The following FAM168B variants were observed in gnomAD, a reference collection of about 807,000 sequenced individuals.
FAM168B encodes family with sequence similarity 168 member B, also known as myelin-associated neurite-outgrowth inhibitor.
FAM168B carries 19 observed loss-of-function variants against 21.8 expected under a neutral mutation model. The ratio of observed to expected loss-of-function variants is 0.87; its 90% CI spans 0.61 to 1.28. FAM168B has a LOEUF of 1.28. FAM168B is among the 50% of genes most tolerant of loss of function. FAM168B has a pLI of 0.00. For synonymous variants in FAM168B, 126 were observed against 104.8 expected, an observed-to-expected ratio of 1.20 and a Z score of -1.24; for missense variants, 233 against 263.1, an observed-to-expected ratio of 0.89 and a Z score of 0.79.
At position 131,053,079 on chromosome 2, in the gene FAM168B, C is replaced by T. The variant is rs574826329; in HGVS notation, c.476-64G>A. ...CTGCACAGCTCCACACTGCCTGATACGCACACAAGCCTGGCCTCTTTGCAA... is the reference window on the plus strand; with the variant it reads ...CTGCACAGCTCCACACTGCCTGATATGCACACAAGCCTGGCCTCTTTGCAA... On this transcript the variant is annotated intron_variant, in intron 5 of 6. Coordinates refer to ENST00000389915, the MANE Select transcript of FAM168B (RefSeq NM_001009993.4). 80 of 1,481,964 alleles carry T rather than the reference C, an allele frequency of 5.4e-5. 1 individual carries two copies. The highest frequency in any genetic ancestry group is 4.6e-4 in the South Asian group (35 of 76,772). The allele number at this position is 1,481,964 out of a possible 1,614,324, so 91.8% of individuals were successfully genotyped here.
intron 3 of FAM168B, among the ~76,000 whole-genome samples, chr2:131,057,730 G>C (rs1191718642): frequency 6.6e-6 from 1 of 152,174 alleles, no homozygotes; most frequent in Non-Finnish European, 1.5e-5. Context: ...GGGCGACAAA[G>C]TAAGACGCTG....
intron 1 of FAM168B, among the ~76,000 whole-genome samples, chr2:131,090,544 T>C (rs1458598811): frequency 6.6e-6 from 1 of 151,990 alleles, no homozygotes; most frequent in Non-Finnish European, 1.5e-5. Context: ...AAAATCAACA[T>C]TGGAAATTCT....
chr2:131,055,469 A>G lies in FAM168B; in HGVS notation c.298-20T>C, dbSNP rs1362251292. Reference sequence around the variant, plus strand: ...GCCTTGCTGTGGGGAGAAGAGAGACAACTGACACAGGGTCCCAGGGCCAAA... The same window carrying G: ...GCCTTGCTGTGGGGAGAAGAGAGACGACTGACACAGGGTCCCAGGGCCAAA... On this transcript the variant is annotated intron_variant, in intron 4 of 6. Transcript: ENST00000389915. The G allele has an allele frequency of 1.2e-6, 2 of 1,604,942 alleles. No individual in the cohort carries two copies. Among genetic ancestry groups the G allele is most frequent in the South Asian group, 2.2e-5 (2 of 89,940 alleles).
chr2:131,060,472 C>T (rs1161496600), intron 3 of FAM168B, among the ~76,000 whole-genome samples: 1 of 152,168 alleles, frequency 6.6e-6, no homozygotes, highest in Non-Finnish European at 1.5e-5. Flanking sequence ...AAGACTGCTA[C>T]AGATTGAAAG....
rs1691695889 is a variant in FAM168B, at chr2:131,051,841, T to C, written c.*624A>G. ...TGAACCAGCTGCACCCAAGCAGCTG[T>C]GGCTTCCCTACTCTCTCCCAAACCT... On this transcript the variant is annotated 3_prime_UTR_variant, in exon 7 of 7. Coordinates refer to ENST00000389915, the MANE Select transcript of FAM168B (RefSeq NM_001009993.4). 1 of 985,318 alleles carries C rather than the reference T, an allele frequency of 1.0e-6. No homozygotes were observed. The highest frequency in any genetic ancestry group is 4.7e-5 in the South Asian group (1 of 21,292). 61.0% of individuals were successfully genotyped at this position (985,318 alleles called of 1,614,324 possible).
chr2:131,064,277 A>G (rs1470086256), intron 3 of FAM168B, among the ~76,000 whole-genome samples: 1 of 151,884 alleles, frequency 6.6e-6, no homozygotes, highest in Non-Finnish European at 1.5e-5. Flanking sequence ...GGATTTTTTT[A>G]TAATAATTTT....
chr2:131,070,730 A>C (rs1035298631), intron 3 of FAM168B, among the ~76,000 whole-genome samples: 2 of 152,266 alleles, frequency 1.3e-5, no homozygotes, highest in Non-Finnish European at 2.9e-5. Flanking sequence ...AACAATAAAA[A>C]GGAATGAACT....
rs1691700749 is a variant in FAM168B at position 131,051,899 on chromosome 2, G to A, written c.*566C>T. The A allele has an allele frequency of 1.0e-6, 1 of 985,448 alleles. No homozygotes were observed. 61.0% of individuals were successfully genotyped at this position (985,448 alleles called of 1,614,324 possible). A position where few individuals can be genotyped will look rare whatever the true frequency, so the allele number is the denominator to read the frequency against. On this transcript the variant is annotated 3_prime_UTR_variant, in exon 7 of 7. Transcript: ENST00000389915. ...CCCTCCCAGGACAGTCAGTGCCAAA[G>A]AAACAGGTCGCTGAAAACTAAAATG...
chr2:131,065,807 GA>G lies in FAM168B; in HGVS notation c.154+6047del, dbSNP rs796177546. 6.3e-3 allele frequency among the ~76,000 whole-genome samples: 595 copies of G among 94,762 alleles called. 3 individuals carry two copies. The highest frequency in any genetic ancestry group is 8.5e-3 in the Non-Finnish European group (370 of 43,306). 62.2% of individuals were successfully genotyped at this position (94,762 alleles called of 152,430 possible). ...CCAGCTCAAAAAAAAAAGAAAAAAAGAAAAAAAAAAAAAAGAAAAGAAAGCT... is the reference window on the plus strand; with the variant it reads ...CCAGCTCAAAAAAAAAAGAAAAAAAGAAAAAAAAAAAAAGAAAAGAAAGCT... On this transcript the variant is annotated intron_variant, in intron 3 of 6. Transcript: ENST00000389915.
At chr2:131,057,523 TG>T (rs1318223074) in intron 3 of FAM168B, among the ~76,000 whole-genome samples, 1 of 152,174 alleles carries the variant, frequency 6.6e-6, no homozygotes, top group Non-Finnish European at 1.5e-5. Context: ...AAGTATTCCA[TG>T]TTTTATTTGG....
chr2:131,068,684 G>T (rs1488276201), intron 3 of FAM168B, among the ~76,000 whole-genome samples: 1 of 152,152 alleles, frequency 6.6e-6, no homozygotes, highest in Admixed American at 6.6e-5. Flanking sequence ...GGACAACACA[G>T]GCCTTACCTC....
chr2:131,092,391 C>G (rs1204754805), intron 1 of FAM168B, among the ~76,000 whole-genome samples: 1 of 152,146 alleles, frequency 6.6e-6, no homozygotes, highest in East Asian at 1.9e-4. Flanking sequence ...AAAAATGTGT[C>G]CTGTTTTTGC....
At chr2:131,077,824 A>G (rs1270238741) in intron 2 of FAM168B, among the ~76,000 whole-genome samples, 1 of 152,212 alleles carries the variant, frequency 6.6e-6, no homozygotes, top group Non-Finnish European at 1.5e-5. Flanking sequence ...AGCAGACAGC[A>G]AAAACCAAAA....
intron 3 of FAM168B, among the ~76,000 whole-genome samples, chr2:131,066,204 C>T (rs1205998638): frequency 9.6e-5 from 14 of 145,194 alleles, no homozygotes; most frequent in Admixed American, 8.5e-4. Flanking sequence ...CTCGCTCTGT[C>T]GCCCAGGCTG....
intron 3 of FAM168B, among the ~76,000 whole-genome samples, chr2:131,062,786 C>T (rs913203611): frequency 1.3e-5 from 2 of 152,176 alleles, no homozygotes; most frequent in African/African-American, 2.4e-5. Flanking sequence ...TACAGGTAGG[C>T]GTTGCTGAAG....
In FAM168B at chr2:131,051,892, T is replaced by C. The variant is rs960759149; in HGVS notation, c.*573A>G. On this transcript the variant is annotated 3_prime_UTR_variant, in exon 7 of 7. Coordinates refer to ENST00000389915, the MANE Select transcript of FAM168B (RefSeq NM_001009993.4). ...CGCAACTCCCTCCCAGGACAGTCAG[T>C]GCCAAAGAAACAGGTCGCTGAAAAC... 3.0e-6 allele frequency: 3 copies of C among 985,436 alleles called. No homozygotes were observed. Among genetic ancestry groups the C allele is most frequent in the East Asian group, 2.3e-4 (2 of 8,818 alleles). 61.0% of individuals were successfully genotyped at this position (985,436 alleles called of 1,614,324 possible).
chr2:131,084,882 C>G (rs532504429), intron 1 of FAM168B, among the ~76,000 whole-genome samples: 1 of 152,256 alleles, frequency 6.6e-6, no homozygotes, highest in African/African-American at 2.4e-5. Context: ...ATCGCCACGT[C>G]TGGCTCATTT....
In FAM168B at chr2:131,088,183, C is replaced by T. The variant is rs544430768; in HGVS notation, c.-12+5031G>A. Among the ~76,000 whole-genome samples the T allele has an allele frequency of 1.3e-4, 20 of 152,162 alleles. 1 individual carries two copies. The highest frequency in any genetic ancestry group is 4.8e-4 in the African/African-American group (20 of 41,516). ...ACCGCTTCAACCTGGGAGGTAGAGG[C>T]TGCAGTGAGCTGAAATCGCACCACT... On this transcript the variant is annotated intron_variant, in intron 1 of 6. Transcript: ENST00000389915.
At chr2:131,055,122 C>G in intron 5 of FAM168B, 150 bp downstream of exon 5, 1 of 719,178 alleles carries the variant, frequency 1.4e-6, no homozygotes, top group Non-Finnish European at 2.0e-6. Flanking sequence ...TAAAAGATAA[C>G]CTGCTGTTTC....
Sources: allele counts gnomAD v4.1 joint callset (sites outside exome capture counted in the v4.1 genomes callset), GRCh38; gene constraint gnomAD v4.1.1; transcripts MANE v1.5; gene names NCBI Gene and HGNC (gene_info 2026-07-23, HGNC 2026-07-21).